The following KIAA1671 variants were observed in gnomAD, a reference collection of about 807,000 sequenced individuals.
KIAA1671 encodes KIAA1671, also known as uncharacterized protein KIAA1671.
In KIAA1671, 52 loss-of-function variants were observed where a neutral mutation model predicts 131.2. The ratio of observed to expected loss-of-function variants is 0.40; its 90% CI spans 0.32 to 0.50. KIAA1671 has a LOEUF of 0.50. Ranked by LOEUF, KIAA1671 falls within the 20% of genes least tolerant of loss-of-function variation. The pLI, the probability that KIAA1671 is intolerant of heterozygous loss-of-function variation, is 0.73. For synonymous variants in KIAA1671, 1,003 were observed against 961.6 expected, an observed-to-expected ratio of 1.04 and a Z score of -0.80; for missense variants, 2,360 against 2,364.2, an observed-to-expected ratio of 1.00 and a Z score of 0.04.
chr22:25,046,068 G>A (rs1463133430), intron 5 of KIAA1671, among the ~76,000 whole-genome samples: 1 of 152,008 alleles, frequency 6.6e-6, no homozygotes, highest in Admixed American at 6.5e-5. Flanking sequence ...TTGGGAGGCC[G>A]AGGCTGGCAG....
At chr22:25,049,498 G>A in intron 6 of KIAA1671, 134 bp downstream of exon 6, 1 of 989,166 alleles carries the variant, frequency 1.0e-6, no homozygotes, top group Non-Finnish European at 1.4e-6. Context: ...AACTGTCCAG[G>A]AATCTGGTGT....
intron 6 of KIAA1671, among the ~76,000 whole-genome samples, chr22:25,124,256 T>C (rs923168202): frequency 1.3e-5 from 2 of 152,242 alleles, no homozygotes; most frequent in African/African-American, 4.8e-5. Flanking sequence ...GCGACCGCTA[T>C]GCAGAGATAT....
rs1379652203 is a variant in KIAA1671 at position 25,196,375 on chromosome 22, C to T, written c.*3974C>T. On this transcript the variant is annotated 3_prime_UTR_variant, in exon 13 of 13. Transcript: ENST00000358431. ...ATGACTTGGACGGGCACTTCCTTGA[C>T]AATTCCTATTGGCATCACACGGGCT... The T allele has an allele frequency of 6.6e-6, 1 of 152,132 alleles. No homozygotes were observed. Among genetic ancestry groups the T allele is most frequent in the African/African-American group, 2.4e-5 (1 of 41,400 alleles). 9.4% of individuals were successfully genotyped at this position (152,132 alleles called of 1,614,324 possible). A position where few individuals can be genotyped will look rare whatever the true frequency, so the allele number is the denominator to read the frequency against.
intron 6 of KIAA1671, among the ~76,000 whole-genome samples, chr22:25,100,114 G>A (rs996067669): frequency 2.0e-5 from 3 of 152,310 alleles, no homozygotes; most frequent in Admixed American, 6.5e-5. Flanking sequence ...GGGGAATCAC[G>A]TCCCAGAGAG....
intron 1 of KIAA1671, among the ~76,000 whole-genome samples, chr22:24,964,366 A>G (rs1922182671): frequency 6.6e-6 from 1 of 152,010 alleles, no homozygotes; most frequent in Non-Finnish European, 1.5e-5. Flanking sequence ...AAAAAACAAA[A>G]ATAACAAGTG....
At chr22:25,111,226 GCA>G (rs141133836) in intron 6 of KIAA1671, among the ~76,000 whole-genome samples, 1 of 152,100 alleles carries the variant, frequency 6.6e-6, no homozygotes, top group Non-Finnish European at 1.5e-5. Context: ...CGACATACAC[GCA>G]CACACACACA....
chr22:25,040,364 G>A lies in KIAA1671; in HGVS notation c.3234G>A (p.Glu1078=). The change falls in exon 5 of 13, where the codon GAG becomes GAA. Residue 1078 remains glutamate (E), a synonymous_variant. Transcript: ENST00000358431. ...CTTTGGTTTCTCTTGGTCATGAAGA[G>A]GCATTGGAGATGGCAGGCAGTAAAA... ...TSTLVSLGHE[E]ALEMAGSKNW... The A allele has an allele frequency of 1.3e-6, 2 of 1,551,860 alleles. No homozygotes were observed. The highest frequency in any genetic ancestry group is 1.7e-6 in the Non-Finnish European group (2 of 1,147,034).
intron 1 of KIAA1671, among the ~76,000 whole-genome samples, chr22:24,987,171 ATTTTTT>A (rs772183225): frequency 6.8e-6 from 1 of 146,780 alleles, no homozygotes; most frequent in African/African-American, 2.5e-5. Flanking sequence ...TATTATTATT[ATTTTTT>A]TTTTTTTTTC....
At chr22:25,105,896 G>C (rs1490688991) in intron 6 of KIAA1671, among the ~76,000 whole-genome samples, 1 of 151,944 alleles carries the variant, frequency 6.6e-6, no homozygotes, top group African/African-American at 2.4e-5. Flanking sequence ...TTTCTGCCGT[G>C]GTTTTTCCAT....
At chr22:25,148,291 C>CTCCCTCAGTCCCAGCCT (rs1360969194) in intron 6 of KIAA1671, among the ~76,000 whole-genome samples, 2 of 151,130 alleles carry the variant, frequency 1.3e-5, no homozygotes, top group African/African-American at 4.9e-5. Context: ...AGTCCCAGCC[C>CTCCCTCAGTCCCAGCCT]TCCCTCAGTC....
intron 6 of KIAA1671, among the ~76,000 whole-genome samples, chr22:25,070,829 T>G (rs907282198): frequency 2.6e-5 from 4 of 152,172 alleles, no homozygotes; most frequent in African/African-American, 9.7e-5. Flanking sequence ...GGGATGAAAA[T>G]AATAGATTTT....
chr22:25,141,976 C>A (rs1932813608), intron 6 of KIAA1671, among the ~76,000 whole-genome samples: 1 of 152,196 alleles, frequency 6.6e-6, no homozygotes, highest in African/African-American at 2.4e-5. Context: ...TGCTATATAA[C>A]CTTTACCTTA....
intron 1 of KIAA1671, chr22:25,015,090 A>T (rs1925232593): frequency 6.6e-6 from 1 of 152,166 alleles, no homozygotes; most frequent in African/African-American, 2.4e-5. Context: ...AATTTAAAAA[A>T]TTAGCAGGTC....
At chr22:25,112,647 C>G (rs928812987) in intron 6 of KIAA1671, 3 of 366,866 alleles carry the variant, frequency 8.2e-6, no homozygotes, top group Non-Finnish European at 1.5e-5. Context: ...AATAATTCCT[C>G]TCTCCTGAAG....
At chr22:25,051,290 T>TAG (rs1331224731) in intron 6 of KIAA1671, 1 of 152,250 alleles carries the variant, frequency 6.6e-6, no homozygotes, top group Non-Finnish European at 1.5e-5. Flanking sequence ...CAGCCCATCC[T>TAG]AGAGGGACCT....
chr22:25,101,295 A>G (rs1013451756), intron 6 of KIAA1671, among the ~76,000 whole-genome samples: 1 of 152,188 alleles, frequency 6.6e-6, no homozygotes, highest in African/African-American at 2.4e-5. Flanking sequence ...CAGGGTTTGC[A>G]GCCTTGTAAG....
Position 25,121,688 on chromosome 22 carries a change from T to TG in KIAA1671, c.4531-49129dup, listed in dbSNP as rs146127094. Among the ~76,000 whole-genome samples, 198 of 152,290 alleles carry TG rather than the reference T, an allele frequency of 1.3e-3. 1 individual carries two copies. Among genetic ancestry groups the TG allele is most frequent in the African/African-American group, 4.6e-3 (193 of 41,560 alleles). ...CACTAAACACAAAGTTGGGGAAAGA[T>TG]GGGCAGTAGATTACTGTTCTTTAGT... On this transcript the variant is annotated intron_variant, in intron 6 of 12. Transcript: ENST00000358431.
chr22:25,133,043 G>A (rs7290402), intron 6 of KIAA1671, among the ~76,000 whole-genome samples: 42,597 of 125,450 alleles, frequency 0.34, 6,389 homozygotes, highest in South Asian at 0.43. Flanking sequence ...GACAGAGTGA[G>A]ACTCCATCTC....
chr22:24,988,208 AG>A (rs1357954014), intron 1 of KIAA1671, among the ~76,000 whole-genome samples: 4 of 146,684 alleles, frequency 2.7e-5, no homozygotes, highest in Non-Finnish European at 4.5e-5. Flanking sequence ...TGAATCTGGG[AG>A]TTGGAGGTTG....
Sources: allele counts gnomAD v4.1 joint callset (sites outside exome capture counted in the v4.1 genomes callset), GRCh38; gene constraint gnomAD v4.1.1; transcripts MANE v1.5; gene names NCBI Gene and HGNC (gene_info 2026-07-23, HGNC 2026-07-21).